PIBF1: variants seen among roughly 807,000 people sequenced by gnomAD.
PIBF1 encodes the protein progesterone-induced-blocking factor 1.
In PIBF1, 90 loss-of-function variants were observed where a neutral mutation model predicts 112.5. The observed-to-expected ratio is 0.80, with a 90% confidence interval of 0.67 to 0.95. The LOEUF (loss-of-function observed/expected upper bound fraction) is 0.95. Ranked by LOEUF, PIBF1 falls within the 40% of genes least tolerant of loss-of-function variation. The pLI, the probability that PIBF1 is intolerant of heterozygous loss-of-function variation, is 0.00. For synonymous variants in PIBF1, 301 were observed against 288.6 expected, an observed-to-expected ratio of 1.04 and a Z score of -0.44; for missense variants, 915 against 852.3, an observed-to-expected ratio of 1.07 and a Z score of -0.92.
chr13:72,901,017 C>T (rs973775361), intron 11 of PIBF1: 18 of 419,898 alleles, frequency 4.3e-5, no homozygotes, highest in South Asian at 2.8e-4. Context: ...AGCAAAACTC[C>T]GTCTCAAAAC....
intron 13 of PIBF1, among the ~76,000 whole-genome samples, chr13:72,928,028 T>TATACATATATATATATACATATATATAC (rs1566458687): frequency 0.095 from 5,519 of 57,970 alleles, 784 homozygotes; most frequent in African/African-American, 0.24. Flanking sequence ...TATATATACA[T>TATACATATATATATATACATATATATAC]ATATATATAT....
chr13:72,830,954 T>C (rs545455048), intron 8 of PIBF1, among the ~76,000 whole-genome samples: 1 of 152,270 alleles, frequency 6.6e-6, no homozygotes, highest in East Asian at 1.9e-4. Context: ...GAACTTGTTA[T>C]TGGTTTATTC....
chr13:72,987,858 A>AT (rs55999445), intron 16 of PIBF1, among the ~76,000 whole-genome samples: 11 of 58,114 alleles, frequency 1.9e-4, no homozygotes, highest in East Asian at 8.1e-4. Flanking sequence ...TTATTTATTT[A>AT]TTTTTTTTTT....
At chr13:73,001,902 G>A (rs144307851) in intron 17 of PIBF1, among the ~76,000 whole-genome samples, 149 of 152,182 alleles carry the variant, frequency 9.8e-4, no homozygotes, top group African/African-American at 3.0e-3. Flanking sequence ...GATTACAGGC[G>A]TGAGCCACAG....
intron 14 of PIBF1, among the ~76,000 whole-genome samples, chr13:72,940,024 T>C (rs1182591411): frequency 6.6e-6 from 1 of 152,178 alleles, no homozygotes; most frequent in Non-Finnish European, 1.5e-5. Context: ...GGAGTTTTCT[T>C]CATGTTTCCT....
intron 10 of PIBF1, among the ~76,000 whole-genome samples, chr13:72,858,076 G>T (rs969696409): frequency 1.2e-4 from 18 of 149,678 alleles, no homozygotes; most frequent in African/African-American, 4.2e-4. Context: ...ATGTGAGATG[G>T]AGTCTCACTC....
At chr13:72,794,534 A>T (rs531613639) in intron 3 of PIBF1, among the ~76,000 whole-genome samples, 6 of 152,296 alleles carry the variant, frequency 3.9e-5, no homozygotes, top group African/African-American at 1.4e-4. Context: ...CCTACATGTC[A>T]TGGGAGGGAC....
chr13:73,011,068 C>T (rs1285517059), intron 17 of PIBF1, among the ~76,000 whole-genome samples: 1 of 151,624 alleles, frequency 6.6e-6, no homozygotes, highest in Non-Finnish European at 1.5e-5. Context: ...TCAGGTGATC[C>T]CCCCCACCTT....
rs887194088 is a variant in PIBF1 at position 72,909,085 on chromosome 13, ATTTTC to A, written c.1639+407_1639+411del. ...GAAAAAAATAAAACTACTTCGGTAT[ATTTTC>A]TTAAAATATAATTGGTGACTATTTC... is the stretch of plus-strand genomic sequence containing the variant. On this transcript the variant is annotated intron_variant, in intron 12 of 17. Transcript: ENST00000326291. Among the ~76,000 whole-genome samples, 103 of 152,202 alleles carry A rather than the reference ATTTTC, an allele frequency of 6.8e-4. 1 individual carries two copies. The highest frequency in any genetic ancestry group is 2.3e-3 in the African/African-American group (96 of 41,562).
At chr13:72,844,546 T>A (rs1302155044) in intron 9 of PIBF1, among the ~76,000 whole-genome samples, 30 of 152,110 alleles carry the variant, frequency 2.0e-4, no homozygotes, top group Non-Finnish European at 4.4e-5. Flanking sequence ...TTCCATGTGT[T>A]CTCATTGTTC....
chr13:72,970,215 A>T (rs539649730), intron 15 of PIBF1, among the ~76,000 whole-genome samples: 1 of 152,328 alleles, frequency 6.6e-6, no homozygotes, highest in South Asian at 2.1e-4. Context: ...CATCATAAAC[A>T]CATTAAAAGC....
intron 16 of PIBF1, among the ~76,000 whole-genome samples, chr13:72,990,654 C>G (rs930066827): frequency 3.3e-5 from 5 of 151,982 alleles, no homozygotes; most frequent in African/African-American, 1.2e-4. Flanking sequence ...TTGAGACCAG[C>G]CTGGCCAACT....
chr13:72,835,639 G>C (rs2037323141), intron 9 of PIBF1, among the ~76,000 whole-genome samples: 1 of 151,872 alleles, frequency 6.6e-6, no homozygotes, highest in African/African-American at 2.4e-5. Flanking sequence ...CTTCAGTTCA[G>C]ATTGAGGACA....
rs5804646 is a variant in PIBF1 at position 72,784,275 on chromosome 13, TA to T, written c.252+575del. Among the ~76,000 whole-genome samples the T allele has an allele frequency of 6.5e-4, 81 of 123,964 alleles. No homozygotes were observed. In the Middle Eastern group the frequency reaches 0.012, roughly 19 times the overall value. The allele number at this position is 123,964 out of a possible 152,430, so 81.3% of individuals were successfully genotyped here. A position where few individuals can be genotyped will look rare whatever the true frequency, so the allele number is the denominator to read the frequency against. On this transcript the variant is annotated intron_variant, in intron 2 of 17. Transcript: ENST00000326291. Reference sequence around the variant, plus strand: ...AACATTGTGAAACCCCAGCTCTACTTAAAAAAAAAAAAAAAAAAAAATTAGC... The same window carrying T: ...AACATTGTGAAACCCCAGCTCTACTTAAAAAAAAAAAAAAAAAAAATTAGC...
At chr13:72,994,498 C>T (rs1302078521) in intron 16 of PIBF1, among the ~76,000 whole-genome samples, 3 of 152,174 alleles carry the variant, frequency 2.0e-5, no homozygotes, top group Non-Finnish European at 4.4e-5. Flanking sequence ...AAACATTCTT[C>T]TTTGAGCATC....
chr13:72,996,178 T>A (rs9600055), intron 16 of PIBF1, among the ~76,000 whole-genome samples: 14,056 of 113,996 alleles, frequency 0.12, 1,073 homozygotes, highest in East Asian at 0.29. Context: ...TTCCCTAACA[T>A]ATAAAGAGCT....
chr13:72,989,687 A>T (rs1042637528), intron 16 of PIBF1, among the ~76,000 whole-genome samples: 2 of 152,188 alleles, frequency 1.3e-5, no homozygotes, highest in Non-Finnish European at 2.9e-5. Context: ...GAAATATTTT[A>T]AAATTGACTG....
chr13:72,827,199 G>C, intron 7 of PIBF1, 81 bp downstream of exon 7: 525 of 358,802 alleles, frequency 1.5e-3, no homozygotes, highest in East Asian at 3.2e-3. Flanking sequence ...TTGAAGGAGA[G>C]ACATTTTTTT....
chr13:72,905,768 A>G (rs1196683704), intron 11 of PIBF1, among the ~76,000 whole-genome samples: 1 of 152,198 alleles, frequency 6.6e-6, no homozygotes, highest in Non-Finnish European at 1.5e-5. Context: ...AGACCTGTCA[A>G]CTTGGTCTCT....
Sources: gnomAD v4.1 joint callset for allele counts (sites outside exome capture counted in the v4.1 genomes callset) on GRCh38, gnomAD v4.1.1 for gene constraint, MANE v1.5 for transcripts, NCBI Gene and HGNC (gene_info 2026-07-23, HGNC 2026-07-21) for gene names.